The following TAF1B variants were observed in gnomAD, a reference collection of about 807,000 sequenced individuals.
TAF1B encodes TATA-box binding protein associated factor, RNA polymerase I subunit B.
A neutral mutation model predicts 83.9 loss-of-function variants in TAF1B; 61 were observed. The ratio of observed to expected loss-of-function variants is 0.73; its 90% CI spans 0.59 to 0.90. The LOEUF (loss-of-function observed/expected upper bound fraction) is 0.90. TAF1B is among the 40% of genes least tolerant of loss of function. The pLI, the probability that TAF1B is intolerant of heterozygous loss-of-function variation, is 0.00. For synonymous variants in TAF1B, 221 were observed against 224.6 expected (o/e 0.98, Z 0.14); for missense variants, 625 against 677.0 (o/e 0.92, Z 0.85).
chr2:9,920,516 A>G (rs1167946951), intron 14 of TAF1B, among the ~76,000 whole-genome samples: 1 of 144,586 alleles, frequency 6.9e-6, no homozygotes, highest in Admixed American at 7.3e-5. Flanking sequence ...ATCCCTGGCC[A>G]AAACAAGTGC....
chr2:9,925,011 G>T (rs2125183070), intron 14 of TAF1B, among the ~76,000 whole-genome samples: 1 of 152,310 alleles, frequency 6.6e-6, no homozygotes, highest in South Asian at 2.1e-4. Context: ...ACCTCCCTGG[G>T]AGTTCCACAG....
intron 5 of TAF1B, among the ~76,000 whole-genome samples, chr2:9,866,651 G>A (rs1158880200): frequency 6.6e-6 from 1 of 152,146 alleles, no homozygotes; most frequent in Non-Finnish European, 1.5e-5. Flanking sequence ...GGTTATTGCG[G>A]CACTATTCAC....
chr2:9,919,060 A>G lies in TAF1B; in HGVS notation c.1291A>G (p.Lys431Glu), dbSNP rs1665787345. ...ARAKYLWKSEKPLYYSFVDKP... is the reference protein window; with the variant it reads ...ARAKYLWKSEEPLYYSFVDKP... ...GTACAGGTACCTGTGGAAAAGTGAAAAGCCACTCTACTACTCATTTGTCGA... is the reference window on the plus strand; with the variant it reads ...GTACAGGTACCTGTGGAAAAGTGAAGAGCCACTCTACTACTCATTTGTCGA... Residue 431 changes from lysine (K) to glutamate (E), a missense_variant, in exon 13 of 15, where the codon AAG becomes GAG. Coordinates refer to ENST00000263663, the MANE Select transcript of TAF1B (RefSeq NM_005680.3). 5.0e-6 allele frequency: 8 copies of G among 1,614,170 alleles called. No individual in the cohort carries two copies. Among genetic ancestry groups the G allele is most frequent in the Non-Finnish European group, 6.8e-6 (8 of 1,180,016 alleles).
At chr2:9,915,574 A>G (rs1442939773) in intron 12 of TAF1B, among the ~76,000 whole-genome samples, 1 of 152,252 alleles carries the variant, frequency 6.6e-6, no homozygotes, top group Middle Eastern at 3.2e-3. Flanking sequence ...TAAAACGACA[A>G]TGACATATCA....
intron 13 of TAF1B, 35 bp downstream of exon 13, chr2:9,919,146 C>G (rs1665792051): frequency 6.5e-7 from 1 of 1,539,062 alleles, no homozygotes; most frequent in African/African-American, 1.4e-5. Flanking sequence ...TACCAAGTAG[C>G]AACACAGTTG....
In TAF1B at chr2:9,919,651, A is replaced by C; in HGVS notation, c.1396A>C (p.Thr466Pro). Residue 466 changes from threonine to proline, a missense_variant, in exon 14 of 15, where the codon ACT becomes CCT. Physicochemically the swap from Thr to Pro is conservative, Grantham distance 38. Transcript: ENST00000263663. Reference protein sequence around the residue: ...QFSTLVESTATAGKKSPSSFQ... With the variant: ...QFSTLVESTAPAGKKSPSSFQ... ...TAGCACACTGGTCGAGTCAACAGCAACTGCTGGAAAAAAAAGCCCTTCAAG... is the reference window on the plus strand; with the variant it reads ...TAGCACACTGGTCGAGTCAACAGCACCTGCTGGAAAAAAAAGCCCTTCAAG... 6.2e-7 allele frequency: 1 copy of C among 1,614,142 alleles called. No homozygotes were observed. Among genetic ancestry groups the C allele is most frequent in the Non-Finnish European group, 8.5e-7 (1 of 1,180,032 alleles).
chr2:9,864,594 C>T lies in TAF1B; in HGVS notation c.400-3682C>T, dbSNP rs553642270. 2.6e-5 allele frequency among the ~76,000 whole-genome samples: 4 copies of T among 152,220 alleles called. No individual in the cohort carries two copies. In the East Asian group the frequency reaches 7.7e-4, roughly 29 times the overall value. Reference sequence around the variant, plus strand: ...ATCCTCCCTAGCTCATTTTATGAGGCCAGCATCATCCTGACACCAAAGCCT... The same window carrying T: ...ATCCTCCCTAGCTCATTTTATGAGGTCAGCATCATCCTGACACCAAAGCCT... On this transcript the variant is annotated intron_variant, in intron 5 of 14. Coordinates refer to ENST00000263663, the MANE Select transcript of TAF1B (RefSeq NM_005680.3).
intron 8 of TAF1B, among the ~76,000 whole-genome samples, chr2:9,889,414 C>T (rs747709791): frequency 2.0e-5 from 3 of 152,170 alleles, no homozygotes; most frequent in East Asian, 1.9e-4. Context: ...ATTTCAGATA[C>T]TACATTTTTC....
chr2:9,885,269 T>A (rs1277375997), intron 8 of TAF1B, among the ~76,000 whole-genome samples: 1 of 152,164 alleles, frequency 6.6e-6, no homozygotes, highest in African/African-American at 2.4e-5. Flanking sequence ...AATTGGGATA[T>A]CAGCTGAACT....
intron 5 of TAF1B, among the ~76,000 whole-genome samples, chr2:9,859,291 T>C (rs1239329542): frequency 6.6e-6 from 1 of 152,008 alleles, no homozygotes; most frequent in Non-Finnish European, 1.5e-5. Flanking sequence ...TGCTGAAACA[T>C]AGCAAGAGTA....
Position 9,875,930 on chromosome 2 carries a change from G to T in TAF1B, c.619G>T (p.Val207Leu), listed in dbSNP as rs926311334. 1.9e-6 allele frequency: 3 copies of T among 1,613,658 alleles called. No individual in the cohort carries two copies. The highest frequency in any genetic ancestry group is 2.5e-6 in the Non-Finnish European group (3 of 1,179,634). Residue 207 changes from valine (V) to leucine (L), a missense_variant, in exon 7 of 15, where the codon GTG becomes TTG. Val to Leu is a conservative substitution (Grantham distance 32). Coordinates refer to ENST00000263663, the MANE Select transcript of TAF1B (RefSeq NM_005680.3). ...CTCACAACGAAAGGAGAAGGGAATCGTGAAGATGACCATGCCACAGACACT... is the reference window on the plus strand; with the variant it reads ...CTCACAACGAAAGGAGAAGGGAATCTTGAAGATGACCATGCCACAGACACT... ...EYSQRKEKGI[V>L]KMTMPQTLAF...
intron 9 of TAF1B, among the ~76,000 whole-genome samples, chr2:9,909,844 G>T (rs1665468690): frequency 6.6e-6 from 1 of 152,214 alleles, no homozygotes. Flanking sequence ...CACAGAGCTA[G>T]TAAGTGATGG....
At chr2:9,874,443 A>T (rs934038817) in intron 6 of TAF1B, among the ~76,000 whole-genome samples, 1 of 145,740 alleles carries the variant, frequency 6.9e-6, no homozygotes, top group African/African-American at 2.5e-5. Context: ...GTCAAATGTA[A>T]TTTTTTTTTT....
chr2:9,880,056 T>G (rs2125153249), intron 7 of TAF1B, among the ~76,000 whole-genome samples: 1 of 152,238 alleles, frequency 6.6e-6, no homozygotes, highest in Non-Finnish European at 1.5e-5. Flanking sequence ...GACCAGGTGG[T>G]CTTTTGCTAT....
chr2:9,919,515 A>G, intron 13 of TAF1B, 83 bp from the exon 14 acceptor site: 1 of 1,218,386 alleles, frequency 8.2e-7, no homozygotes, highest in Non-Finnish European at 1.2e-6. Context: ...CAATATTGGT[A>G]CATTCCTATC....
chr2:9,853,419 T>C (rs543030878), intron 4 of TAF1B, among the ~76,000 whole-genome samples: 62 of 152,288 alleles, frequency 4.1e-4, no homozygotes, highest in African/African-American at 1.5e-3. Flanking sequence ...AGCTAAGGGA[T>C]ACCTGGTACC....
chr2:9,886,805 G>A (rs4669479), intron 8 of TAF1B, among the ~76,000 whole-genome samples: 34,615 of 152,144 alleles, frequency 0.23, 4,789 homozygotes, highest in East Asian at 0.31. Flanking sequence ...AGTGGCTTAC[G>A]CCTGTAATCC....
chr2:9,843,472 G>A (rs1037303217), upstream of TAF1B: 1 of 1,512,308 alleles, frequency 6.6e-7, no homozygotes, highest in Non-Finnish European at 8.9e-7. Context: ...AGCTTCTCCA[G>A]CCTTTCCCGG....
chr2:9,858,245 A>G (rs1663628519), intron 5 of TAF1B, among the ~76,000 whole-genome samples: 1 of 152,254 alleles, frequency 6.6e-6, no homozygotes, highest in African/African-American at 2.4e-5. Flanking sequence ...GAAACCCAGC[A>G]GGGCATTCAC....
Sources: gnomAD v4.1 joint callset for allele counts (sites outside exome capture counted in the v4.1 genomes callset) on GRCh38, gnomAD v4.1.1 for gene constraint, MANE v1.5 for transcripts, NCBI Gene and HGNC (gene_info 2026-07-23, HGNC 2026-07-21) for gene names.